Variants in KDM4B observed in about 807,000 individuals in gnomAD.
The protein encoded by KDM4B is lysine-specific demethylase 4B.
KDM4B carries 32 observed loss-of-function variants against 125.2 expected under a neutral mutation model. The observed-to-expected ratio is 0.26, with a 90% CI of 0.19 to 0.34. KDM4B has a LOEUF of 0.34. KDM4B is among the 10% of genes least tolerant of loss of function. KDM4B has a pLI of 1.00. For missense variants in KDM4B, 1,190 were observed against 1,577.7 expected, an observed-to-expected ratio of 0.75 and a Z score of 4.16; for synonymous variants, 721 against 677.9, an observed-to-expected ratio of 1.06 and a Z score of -0.99.
intron 11 of KDM4B, among the ~76,000 whole-genome samples, chr19:5,125,688 G>C (rs2039436642): frequency 6.6e-6 from 1 of 152,208 alleles, no homozygotes. Flanking sequence ...CCACAGAAAG[G>C]CCAGGGACCA....
intron 6 of KDM4B, among the ~76,000 whole-genome samples, chr19:5,064,438 G>A (rs2037703291): frequency 6.7e-6 from 1 of 149,952 alleles, no homozygotes; most frequent in Non-Finnish European, 1.5e-5. Flanking sequence ...TCGGACCTCT[G>A]CTCTTGGCAC....
chr19:5,038,840 CT>C (rs1360095206), intron 3 of KDM4B, among the ~76,000 whole-genome samples: 1 of 152,272 alleles, frequency 6.6e-6, no homozygotes. Context: ...CTCACGGCCC[CT>C]GTCCCATGTG....
At chr19:5,074,405 C>G (rs1026847811) in intron 7 of KDM4B, 1 of 152,090 alleles carries the variant, frequency 6.6e-6, no homozygotes, top group Admixed American at 6.5e-5. Flanking sequence ...AAGGGGTGTG[C>G]GAGTAATATG....
Position 5,101,461 on chromosome 19 carries a change from C to T in KDM4B, c.919-9161C>T, listed in dbSNP as rs560535321. On this transcript the variant is annotated intron_variant, in intron 9 of 22. Transcript: ENST00000159111. ...TTGCTTGAGCCCAGGACTTCGGGGT[C>T]GGCAGTGAGCTGCTGTGATCACGCC... 1.0e-3 allele frequency among the ~76,000 whole-genome samples: 151 copies of T among 150,472 alleles called. 1 individual carries two copies. In the Middle Eastern group the frequency reaches 0.024, roughly 24 times the overall value.
At chr19:4,992,082 C>T (rs540213040) in intron 1 of KDM4B, among the ~76,000 whole-genome samples, 3 of 152,068 alleles carry the variant, frequency 2.0e-5, no homozygotes, top group African/African-American at 4.8e-5. Flanking sequence ...TTGCCAGGGC[C>T]TGGGGGCGAC....
chr19:5,027,509 A>G (rs1599447106), intron 2 of KDM4B, among the ~76,000 whole-genome samples: 1 of 145,140 alleles, frequency 6.9e-6, no homozygotes, highest in Non-Finnish European at 1.5e-5. Context: ...TCTTTCCATC[A>G]TTCTTCCTCC....
At chr19:5,017,443 G>A (rs138496917) in intron 2 of KDM4B, among the ~76,000 whole-genome samples, 5 of 152,282 alleles carry the variant, frequency 3.3e-5, no homozygotes, top group South Asian at 2.1e-4. Context: ...AACAGAGGGC[G>A]TGGCCTGCGC....
At chr19:5,038,190 G>C (rs993573695) in intron 3 of KDM4B, among the ~76,000 whole-genome samples, 1 of 152,244 alleles carries the variant, frequency 6.6e-6, no homozygotes, top group Non-Finnish European at 1.5e-5. Flanking sequence ...GAGGCGTGGG[G>C]CCTGCAGTGC....
rs28477551 is a variant in KDM4B at position 5,146,760 on chromosome 19, C to T, written c.3021+1858C>T. Among the ~76,000 whole-genome samples, 533 of 102,586 alleles carry T rather than the reference C, an allele frequency of 5.2e-3. 43 individuals are homozygous for T. Among genetic ancestry groups the T allele is most frequent in the African/African-American group, 0.019 (494 of 26,586 alleles). 67.3% of individuals were successfully genotyped at this position (102,586 alleles called of 152,430 possible). On this transcript the variant is annotated intron_variant, in intron 21 of 22. Coordinates refer to ENST00000159111, the MANE Select transcript of KDM4B (RefSeq NM_015015.3). ...TGGGCAACAAAGTGAGACCCCCCCC[C>T]CCCCCACAATCTCTACAAAAAATTT... is the stretch of plus-strand genomic sequence containing the variant.
intron 18 of KDM4B, among the ~76,000 whole-genome samples, chr19:5,139,741 C>T (rs1230573871): frequency 1.6e-4 from 24 of 152,248 alleles, no homozygotes; most frequent in Admixed American, 1.6e-3. Context: ...CTGTTCTGCT[C>T]CTTCGCCCAT....
At chr19:5,129,102 C>G (rs1360440966) in intron 11 of KDM4B, among the ~76,000 whole-genome samples, 1 of 152,204 alleles carries the variant, frequency 6.6e-6, no homozygotes, top group African/African-American at 2.4e-5. Context: ...TCTTGAGAAA[C>G]AGGTGGGCGT....
At chr19:5,020,442 C>T (rs1385649733) in intron 2 of KDM4B, among the ~76,000 whole-genome samples, 1 of 152,096 alleles carries the variant, frequency 6.6e-6, no homozygotes, top group Non-Finnish European at 1.5e-5. Flanking sequence ...TCTGTTTAGC[C>T]TTCTCAGGAA....
chr19:5,117,253 G>A (rs1741929083), intron 10 of KDM4B, among the ~76,000 whole-genome samples: 1 of 151,972 alleles, frequency 6.6e-6, no homozygotes, highest in Non-Finnish European at 1.5e-5. Flanking sequence ...AGGCCGTGGG[G>A]GTGCCCCTGG....
At chr19:5,084,484 T>TAAC (rs2038413002) in intron 9 of KDM4B, among the ~76,000 whole-genome samples, 1 of 137,654 alleles carries the variant, frequency 7.3e-6, no homozygotes, top group East Asian at 2.0e-4. Flanking sequence ...ATATAAATTA[T>TAAC]ATATGTTATA....
rs2039245387 is a variant in KDM4B at position 5,115,914 on chromosome 19, T to C, written c.1116-3739T>C. On this transcript the variant is annotated intron_variant, in intron 10 of 22. Transcript: ENST00000159111. The surrounding 1 kb of genome is among the most constrained non-coding windows in gnomAD (Gnocchi z 4.2). ...GGCGTAGTCTAGGAAATCTAGCCCC[T>C]GATAGGAGTTTCAGAAAAAGAAAAG... Among the ~76,000 whole-genome samples, 2 of 152,060 alleles carry C rather than the reference T, an allele frequency of 1.3e-5. No homozygotes were observed. Among genetic ancestry groups the C allele is most frequent in the African/African-American group, 4.8e-5 (2 of 41,402 alleles).
chr19:5,086,581 G>A (rs1350317718), intron 9 of KDM4B, among the ~76,000 whole-genome samples: 1 of 152,148 alleles, frequency 6.6e-6, no homozygotes, highest in Non-Finnish European at 1.5e-5. Context: ...CCCTTGCAGG[G>A]GAAGCCTGTC....
intron 9 of KDM4B, among the ~76,000 whole-genome samples, chr19:5,091,310 T>A (rs1200370076): frequency 1.3e-5 from 2 of 152,180 alleles, no homozygotes; most frequent in Admixed American, 1.3e-4. Flanking sequence ...GCTGGAAGGC[T>A]GGGGAGCCAC....
chr19:4,998,163 G>A (rs1166250956), intron 1 of KDM4B, among the ~76,000 whole-genome samples: 1 of 152,124 alleles, frequency 6.6e-6, no homozygotes, highest in African/African-American at 2.4e-5. Context: ...GGCAGTGGAC[G>A]GACAGGTGGC....
intron 6 of KDM4B, among the ~76,000 whole-genome samples, chr19:5,070,021 C>G (rs2037896868): frequency 6.6e-6 from 1 of 152,076 alleles, no homozygotes; most frequent in Admixed American, 6.6e-5. Context: ...CTGGGAGGGT[C>G]TCGGGGAGAG....
Sources: gnomAD v4.1 joint callset for allele counts (sites outside exome capture counted in the v4.1 genomes callset) on GRCh38, gnomAD v4.1.1 for gene constraint, Gnocchi (gnomAD v3.1) non-coding constraint, MANE v1.5 for transcripts, NCBI Gene and HGNC (gene_info 2026-07-23, HGNC 2026-07-21) for gene names.